HELZ: variants seen among roughly 807,000 people sequenced by gnomAD.
HELZ encodes helicase with zinc finger, also known as ATP-dependent RNA helicase with zinc finger domain.
In HELZ, 23 loss-of-function variants were observed where a neutral mutation model predicts 218.2. That is an observed-to-expected ratio of 0.11 (90% confidence interval 0.08 to 0.15). The LOEUF (loss-of-function observed/expected upper bound fraction) is 0.15, where lower values mean the gene tolerates loss of function less well. Among genes scored for constraint, HELZ ranks in the 10% least tolerant of loss-of-function variants. HELZ has a pLI of 1.00. For synonymous variants in HELZ, 814 were observed against 829.4 expected (o/e 0.98, Z 0.32); for missense variants, 1,813 against 2,353.7 (o/e 0.77, Z 4.75).
intron 12 of HELZ, among the ~76,000 whole-genome samples, chr17:67,182,400 G>A (rs188726435): frequency 2.5e-4 from 38 of 152,186 alleles, no homozygotes; most frequent in Non-Finnish European, 4.4e-4. Context: ...AGCCAACACT[G>A]CACCACTGTA....
chr17:67,157,259 C>G (rs2038871587), intron 17 of HELZ, among the ~76,000 whole-genome samples: 1 of 152,180 alleles, frequency 6.6e-6, no homozygotes, highest in Non-Finnish European at 1.5e-5. Flanking sequence ...CTAATACACT[C>G]ATCAACTAAC....
At chr17:67,084,618 G>A (rs548648885) in intron 32 of HELZ, among the ~76,000 whole-genome samples, 209 of 149,470 alleles carry the variant, frequency 1.4e-3, no homozygotes, top group Middle Eastern at 7.0e-3. Context: ...AGCCGAGATC[G>A]CGCCACTGCA....
intron 17 of HELZ, among the ~76,000 whole-genome samples, chr17:67,158,140 A>C (rs2038895785): frequency 6.6e-6 from 1 of 152,242 alleles, no homozygotes; most frequent in Non-Finnish European, 1.5e-5. Context: ...AAGCACATTT[A>C]CAACTGTATT....
At chr17:67,103,594 C>T (rs1027780525) in intron 31 of HELZ, among the ~76,000 whole-genome samples, 4 of 152,164 alleles carry the variant, frequency 2.6e-5, no homozygotes, top group African/African-American at 9.7e-5. Context: ...AAATGTTAAG[C>T]GTCCTGAACA....
chr17:67,185,027 TCTC>T (rs939330998), intron 12 of HELZ, among the ~76,000 whole-genome samples: 2 of 152,114 alleles, frequency 1.3e-5, no homozygotes, highest in African/African-American at 4.8e-5. Context: ...ATGACACTTT[TCTC>T]CTAATTCCAG....
intron 13 of HELZ, among the ~76,000 whole-genome samples, chr17:67,171,822 CTTTT>C (rs1038145591): frequency 2.0e-5 from 3 of 149,850 alleles, no homozygotes; most frequent in Admixed American, 6.6e-5. Context: ...TGTCCTCCTT[CTTTT>C]GTTTTGTTTT....
intron 24 of HELZ, among the ~76,000 whole-genome samples, 182 bp from the exon 25 acceptor site, chr17:67,124,196 AC>A (rs2037710588): frequency 6.6e-6 from 1 of 152,162 alleles, no homozygotes; most frequent in African/African-American, 2.4e-5. Context: ...ACATTATGTC[AC>A]AGCCATCTCA....
intron 31 of HELZ, among the ~76,000 whole-genome samples, chr17:67,089,251 T>A (rs1168426866): frequency 6.6e-6 from 1 of 152,182 alleles, no homozygotes; most frequent in African/African-American, 2.4e-5. Context: ...CCCTTTTCAT[T>A]AAATAACGAA....
chr17:67,190,474 A>G (rs778239864), intron 9 of HELZ, 119 bp from the exon 10 acceptor site: 10 of 715,258 alleles, frequency 1.4e-5, no homozygotes, highest in Admixed American at 4.9e-5. Context: ...CTGAAAGGCC[A>G]TATTTATCGT....
intron 3 of HELZ, among the ~76,000 whole-genome samples, chr17:67,238,349 C>CAAAAAAA (rs71368808): frequency 2.1e-5 from 1 of 46,964 alleles, no homozygotes; most frequent in Non-Finnish European, 4.4e-5. Context: ...CTCTGTCTCT[C>CAAAAAAA]AAAAAAAAAA....
In HELZ at chr17:67,209,033, A is replaced by AAGGGAGAGAGGGAGGGAGGGAGGGAGGG. The variant is rs1555623977; in HGVS notation, c.248-5591_248-5590insCCCTCCCTCCCTCCCTCCCTCTCTCCCT. On this transcript the variant is annotated intron_variant, in intron 5 of 32. Transcript: ENST00000358691. ...GAAGGAAGGAAGGAAGGAAGGGAGG[A>AAGGGAGAGAGGGAGGGAGGGAGGGAGGG]AGGGAGGGAGGGAGGGAGGGAGGGA... Among the ~76,000 whole-genome samples the AAGGGAGAGAGGGAGGGAGGGAGGGAGGG allele has an allele frequency of 4.1e-4, 46 of 112,422 alleles. 1 individual carries two copies. The highest frequency in any genetic ancestry group is 1.5e-3 in the African/African-American group (40 of 26,468). The allele number at this position is 112,422 out of a possible 152,430, so 73.8% of individuals were successfully genotyped here.
chr17:67,149,385 C>A (rs1440957143), intron 19 of HELZ, among the ~76,000 whole-genome samples: 2 of 152,182 alleles, frequency 1.3e-5, no homozygotes, highest in African/African-American at 4.8e-5. Context: ...AACTGTATTT[C>A]TCTTTCCTAC....
At chr17:67,222,647 T>C (rs1174831845) in intron 3 of HELZ, among the ~76,000 whole-genome samples, 1 of 152,202 alleles carries the variant, frequency 6.6e-6, no homozygotes, top group Non-Finnish European at 1.5e-5. Flanking sequence ...TCAGCTGTTT[T>C]GTCGAGCTTT....
In HELZ at chr17:67,109,317, C is replaced by T; in HGVS notation, c.4288G>A (p.Ala1430Thr). The T allele has an allele frequency of 6.2e-7, 1 of 1,614,100 alleles. No individual in the cohort carries two copies. The highest frequency in any genetic ancestry group is 8.5e-7 in the Non-Finnish European group (1 of 1,180,028). Residue 1430 changes from alanine to threonine, a missense_variant, in exon 29 of 33, where the codon GCT becomes ACT. Physicochemically the swap from Ala to Thr is moderately conservative, Grantham distance 58. This residue lies in a region of HELZ where 938 missense variants were observed against 1,027.5 expected (regional missense o/e 0.91). Transcript: ENST00000358691. ...SPAYQAGPNN[A>T]FFNSAVAHRP... ...TGAGCAACTGCACTATTAAAAAAAG[C>T]ATTGTTGGGTCCCGCCTGATATGCA...
intron 24 of HELZ, among the ~76,000 whole-genome samples, chr17:67,125,343 T>TATACACAC (rs1567821370): frequency 1.6e-5 from 1 of 61,398 alleles, no homozygotes; most frequent in African/African-American, 6.9e-5. Context: ...TATATATATA[T>TATACACAC]ATACTTGTGA....
At chr17:67,090,656 G>A (rs1196584506) in intron 31 of HELZ, among the ~76,000 whole-genome samples, 1 of 152,116 alleles carries the variant, frequency 6.6e-6, no homozygotes, top group African/African-American at 2.4e-5. Flanking sequence ...GTTGCTGAAT[G>A]TATGTGCACA....
chr17:67,166,414 T>C, intron 15 of HELZ, 64 bp downstream of exon 15: 1 of 1,384,558 alleles, frequency 7.2e-7, no homozygotes, highest in Non-Finnish European at 1.0e-6. Context: ...CTTGAGTTAT[T>C]TGATACAGAT....
At chr17:67,154,756 G>T in intron 17 of HELZ, among the ~76,000 whole-genome samples, 1 of 152,052 alleles carries the variant, frequency 6.6e-6, no homozygotes, top group East Asian at 1.9e-4. Context: ...TGGTGAGGGG[G>T]AAATTTTACA....
At position 67,102,845 on chromosome 17, in the gene HELZ, T is replaced by C. The variant is rs149947143; in HGVS notation, c.5241+4324A>G. On this transcript the variant is annotated intron_variant, in intron 31 of 32. Transcript: ENST00000358691. ...GACCAAATGTTTTTGCAAAAGTAAATTTCACTCTAAGAACCCACTGACAAT... is the reference window on the plus strand; with the variant it reads ...GACCAAATGTTTTTGCAAAAGTAAACTTCACTCTAAGAACCCACTGACAAT... Among the ~76,000 whole-genome samples, 1,040 of 152,266 alleles carry C rather than the reference T, an allele frequency of 6.8e-3. 6 individuals are homozygous for C. Among genetic ancestry groups the C allele is most frequent in the Non-Finnish European group, 0.011 (717 of 68,002 alleles).
Sources: allele counts gnomAD v4.1 joint callset (sites outside exome capture counted in the v4.1 genomes callset), GRCh38; gene constraint gnomAD v4.1.1; regional missense constraint gnomAD v4.1.1; transcripts MANE v1.5; gene names NCBI Gene and HGNC (gene_info 2026-07-23, HGNC 2026-07-21).